RAD52: variants seen among roughly 807,000 people sequenced by gnomAD.
RAD52 encodes the protein RAD52 DNA repair protein, also known as DNA repair protein RAD52 homolog.
A neutral mutation model predicts 55.5 loss-of-function variants in RAD52; 47 were observed. The observed-to-expected ratio is 0.85, with a 90% CI of 0.67 to 1.08. The LOEUF (loss-of-function observed/expected upper bound fraction) is 1.08, where lower values mean the gene tolerates loss of function less well. Among genes scored for constraint, RAD52 ranks in the 50% least tolerant of loss-of-function variants. RAD52 has a pLI of 0.00. For missense variants in RAD52, 468 were observed against 522.8 expected, an observed-to-expected ratio of 0.90 and a Z score of 1.02; for synonymous variants, 184 against 198.9, an observed-to-expected ratio of 0.92 and a Z score of 0.63.
At chr12:969,188 G>A (rs1193599097) in intron 1 of RAD52, among the ~76,000 whole-genome samples, 2 of 152,000 alleles carry the variant, frequency 1.3e-5, no homozygotes, top group African/African-American at 4.8e-5. Flanking sequence ...TTTCATATCA[G>A]CAACTGTATC....
chr12:917,705 T>C (rs1437058089), intron 7 of RAD52, among the ~76,000 whole-genome samples: 1 of 49,800 alleles, frequency 2.0e-5, no homozygotes, highest in Non-Finnish European at 4.1e-5. Flanking sequence ...ATGGCAAAAA[T>C]ACAAAAATAC....
At chr12:965,367 C>G (rs750003807) in intron 1 of RAD52, among the ~76,000 whole-genome samples, 2 of 152,020 alleles carry the variant, frequency 1.3e-5, no homozygotes, top group South Asian at 2.1e-4. Context: ...AGTACGACTG[C>G]TTTGTATTGT....
At chr12:963,231 A>G (rs1592475993) in intron 1 of RAD52, among the ~76,000 whole-genome samples, 3 of 152,158 alleles carry the variant, frequency 2.0e-5, no homozygotes, top group South Asian at 2.1e-4. Flanking sequence ...CTGATTCTCA[A>G]TCTTTTTAGC....
chr12:945,995 C>T (rs1958204374), intron 1 of RAD52, among the ~76,000 whole-genome samples: 1 of 151,842 alleles, frequency 6.6e-6, no homozygotes, highest in African/African-American at 2.4e-5. Flanking sequence ...CGCACTCCAG[C>T]CTGGGCGACA....
At chr12:960,707 GC>G (rs199894733) in intron 1 of RAD52, among the ~76,000 whole-genome samples, 4 of 152,056 alleles carry the variant, frequency 2.6e-5, no homozygotes, top group Non-Finnish European at 5.9e-5. Flanking sequence ...CTCAAGCGAT[GC>G]CCCCCTTCTT....
At chr12:944,780 T>TTTC (rs1958120572) in intron 1 of RAD52, among the ~76,000 whole-genome samples, 2 of 150,688 alleles carry the variant, frequency 1.3e-5, no homozygotes, top group African/African-American at 2.4e-5. Context: ...CTTTTTTTTT[T>TTTC]TTTTTGAGGA....
intron 5 of RAD52, among the ~76,000 whole-genome samples, chr12:927,736 G>T (rs1957116627): frequency 6.6e-6 from 1 of 151,962 alleles, no homozygotes; most frequent in African/African-American, 2.4e-5. Context: ...TGTGGTGGTG[G>T]GCACCTGTAA....
At chr12:972,111 T>C (rs1340857669) in intron 1 of RAD52, among the ~76,000 whole-genome samples, 1 of 152,158 alleles carries the variant, frequency 6.6e-6, no homozygotes, top group East Asian at 1.9e-4. Flanking sequence ...GAGGCAACGC[T>C]AACATGCAAT....
At chr12:919,424 A>G (rs1196498998) in intron 7 of RAD52, among the ~76,000 whole-genome samples, 1 of 151,426 alleles carries the variant, frequency 6.6e-6, no homozygotes, top group East Asian at 1.9e-4. Context: ...CGGTGACAAG[A>G]GTGAAATTCC....
rs1307179654 is a variant in RAD52, at chr12:942,173, A to C, written c.-19+7429T>G. Reference sequence around the variant, plus strand: ...CAAGCTTGAAAACAACAAAATTGGAAGACCTACAACTACATGACTTCAAGA... The same window carrying C: ...CAAGCTTGAAAACAACAAAATTGGACGACCTACAACTACATGACTTCAAGA... On this transcript the variant is annotated intron_variant, in intron 1 of 11. Coordinates refer to ENST00000358495, the MANE Select transcript of RAD52 (RefSeq NM_134424.4). Among the ~76,000 whole-genome samples, 6 of 152,214 alleles carry C rather than the reference A, an allele frequency of 3.9e-5. No individual in the cohort carries two copies. In the East Asian group the frequency reaches 9.6e-4, roughly 24 times the overall value.
In RAD52 at chr12:983,038, CA is replaced by C. The variant is rs1427055662; in HGVS notation, c.-19+6770del. Among the ~76,000 whole-genome samples the C allele has an allele frequency of 1.2e-4, 19 of 152,006 alleles. No individual in the cohort carries two copies. The South Asian group carries it at 3.9e-3, about 32-fold the overall frequency. ...CTAATTTTTGTATTTTTAGTGAAGACAAGGTTTCACCACGTTGGCCAGGCTG... is the reference window on the plus strand; with the variant it reads ...CTAATTTTTGTATTTTTAGTGAAGACAGGTTTCACCACGTTGGCCAGGCTG... On this transcript the variant is annotated intron_variant, in intron 1 of 11. Transcript: ENST00000430095.
chr12:957,255 C>T (rs529697054), intron 1 of RAD52, among the ~76,000 whole-genome samples: 250 of 151,808 alleles, frequency 1.6e-3, no homozygotes, highest in African/African-American at 5.7e-3. Flanking sequence ...GTCAGGAGTT[C>T]GAGACTAGCC....
intron 7 of RAD52, among the ~76,000 whole-genome samples, chr12:921,820 G>A (rs139452694): frequency 1.1e-3 from 162 of 152,142 alleles, no homozygotes; most frequent in African/African-American, 3.7e-3. Flanking sequence ...ATGAAAATAT[G>A]GTTGGCTGGG....
chr12:980,241 A>G (rs927715199), intron 1 of RAD52, among the ~76,000 whole-genome samples: 1 of 151,918 alleles, frequency 6.6e-6, no homozygotes, highest in African/African-American at 2.4e-5. Flanking sequence ...ATAGGCTAGA[A>G]AAAAAAATAT....
In RAD52 at chr12:919,779, G is replaced by A. The variant is rs1379882284; in HGVS notation, c.544-2959C>T. On this transcript the variant is annotated intron_variant, in intron 7 of 11. Coordinates refer to ENST00000358495, the MANE Select transcript of RAD52 (RefSeq NM_134424.4). ...AAAAAAAAAAAAATCTGGGCTCAGC[G>A]TGGTGGCTCACGCCTGTAATCCCAA... is the stretch of plus-strand genomic sequence containing the variant. 2.7e-5 allele frequency among the ~76,000 whole-genome samples: 3 copies of A among 111,952 alleles called. 1 individual carries two copies. Among genetic ancestry groups the A allele is most frequent in the Admixed American group, 1.7e-4 (2 of 11,702 alleles). The allele number at this position is 111,952 out of a possible 152,430, so 73.4% of individuals were successfully genotyped here.
chr12:951,165 T>A (rs1283327845), upstream of RAD52, among the ~76,000 whole-genome samples: 1 of 152,222 alleles, frequency 6.6e-6, no homozygotes, highest in Non-Finnish European at 1.5e-5. Context: ...CAGACTGTAC[T>A]GCAGTGCTGC....
intron 1 of RAD52, among the ~76,000 whole-genome samples, chr12:940,026 G>T (rs1165965646): frequency 6.6e-6 from 1 of 151,552 alleles, no homozygotes; most frequent in South Asian, 2.1e-4. Flanking sequence ...AGTGAGCAGA[G>T]ATCACACCAC....
intron 7 of RAD52, among the ~76,000 whole-genome samples, chr12:922,660 G>A (rs1029446789): frequency 1.3e-5 from 2 of 152,082 alleles, no homozygotes; most frequent in African/African-American, 4.8e-5. Context: ...CCATTTATAT[G>A]AGGTATCCAG....
rs149278632 is a variant in RAD52 at position 959,379 on chromosome 12, C to G, written c.-18-26303G>C. On this transcript the variant is annotated intron_variant, in intron 1 of 11. Coordinates refer to the RAD52 transcript ENST00000430095. ...GCCCCTATCAGGAGTGAGCATTGTT[C>G]TAAGCACTAAGAATACATTTGTGAA... 7.5e-4 allele frequency among the ~76,000 whole-genome samples: 114 copies of G among 152,254 alleles called. 1 individual carries two copies. Among genetic ancestry groups the G allele is most frequent in the Middle Eastern group, 6.8e-3 (2 of 294 alleles).
Sources: allele counts gnomAD v4.1 joint callset (sites outside exome capture counted in the v4.1 genomes callset), GRCh38; gene constraint gnomAD v4.1.1; transcripts MANE v1.5; gene names NCBI Gene and HGNC (gene_info 2026-07-23, HGNC 2026-07-21).